DOCK8: variants seen among roughly 807,000 people sequenced by gnomAD.
DOCK8 encodes the protein dedicator of cytokinesis 8.
A neutral mutation model predicts 245.6 loss-of-function variants in DOCK8; 141 were observed. The observed-to-expected ratio is 0.57, with a 90% CI of 0.50 to 0.66. DOCK8 has a LOEUF of 0.66. Ranked by LOEUF, DOCK8 falls within the 30% of genes least tolerant of loss-of-function variation. DOCK8 has a pLI of 0.00. For synonymous variants in DOCK8, 1,168 were observed against 970.2 expected (o/e 1.20, Z -3.79); for missense variants, 2,965 against 2,603.4 (o/e 1.14, Z -3.02).
Position 464,302 on chromosome 9 carries a change from C to A in DOCK8, c.*83C>A, listed in dbSNP as rs2057905765. The A allele has an allele frequency of 8.8e-7, 1 of 1,142,250 alleles. No homozygotes were observed. The highest frequency in any genetic ancestry group is 1.3e-6 in the Non-Finnish European group (1 of 750,142). The allele number at this position is 1,142,250 out of a possible 1,614,324, so 70.8% of individuals were successfully genotyped here. On this transcript the variant is annotated 3_prime_UTR_variant, in exon 48 of 48. Transcript: ENST00000432829. ...TGGTACTTAAAAAATGGGACATTTG[C>A]CACCCAGGACTGACTGTACACTCCC... is the stretch of plus-strand genomic sequence containing the variant.
chr9:400,058 C>T (rs1276040222), intron 26 of DOCK8, among the ~76,000 whole-genome samples: 3 of 108,688 alleles, frequency 2.8e-5, no homozygotes, highest in South Asian at 6.3e-4. Context: ...ACCATCACCA[C>T]CTCCTTCACC....
At chr9:450,256 A>G (rs1198462071) in intron 45 of DOCK8, among the ~76,000 whole-genome samples, 1 of 152,232 alleles carries the variant, frequency 6.6e-6, no homozygotes, top group East Asian at 1.9e-4. Flanking sequence ...ATGCTTAGTC[A>G]TGACCAATTC....
At chr9:269,833 C>T (rs925147718) in intron 1 of DOCK8, among the ~76,000 whole-genome samples, 1 of 152,204 alleles carries the variant, frequency 6.6e-6, no homozygotes, top group African/African-American at 2.4e-5. Context: ...GCTGGGATTA[C>T]AGGTGTGAGC....
chr9:373,082 G>A lies in DOCK8; in HGVS notation c.2109+796G>A, dbSNP rs190257298. On this transcript the variant is annotated intron_variant, in intron 18 of 47. Coordinates refer to ENST00000432829, the MANE Select transcript of DOCK8 (RefSeq NM_203447.4). ...CTCGGGAGGCTGAGGCAGGAGAATC[G>A]CTTTAACCTGGGAAGTGGAGGTTGC... Among the ~76,000 whole-genome samples, 1,409 of 152,268 alleles carry A rather than the reference G, an allele frequency of 9.3e-3. 15 individuals are homozygous for A. The highest frequency in any genetic ancestry group is 0.037 in the South Asian group (181 of 4,828).
At chr9:452,723 C>T (rs2057507192) in intron 46 of DOCK8, 1 of 152,308 alleles carries the variant, frequency 6.6e-6, no homozygotes, top group Non-Finnish European at 1.5e-5. Flanking sequence ...TTGAGAGAGG[C>T]AAGTTCTAAA....
intron 2 of DOCK8, among the ~76,000 whole-genome samples, chr9:281,928 TG>T (rs1476186457): frequency 6.6e-6 from 1 of 152,148 alleles, no homozygotes; most frequent in African/African-American, 2.4e-5. Context: ...TCAGCTTGGG[TG>T]TAGTGCCAGA....
chr9:364,291 T>C (rs1411681954), intron 14 of DOCK8, among the ~76,000 whole-genome samples: 4 of 152,102 alleles, frequency 2.6e-5, no homozygotes, highest in African/African-American at 9.7e-5. Flanking sequence ...CTGAACAACG[T>C]TTAGTGGCAT....
chr9:304,396 C>CTTACGCTGTAGTTGTGTAAAGAGACTG (rs2049710084), intron 4 of DOCK8, among the ~76,000 whole-genome samples, 185 bp from the exon 5 acceptor site: 1 of 152,184 alleles, frequency 6.6e-6, no homozygotes, highest in South Asian at 2.1e-4. Context: ...ATTTGTATCT[C>CTTACGCTGTAGTTGTGTAAAGAGACTG]ATTACAACAG....
At chr9:400,122 C>T (rs975620259) in intron 26 of DOCK8, among the ~76,000 whole-genome samples, 4 of 96,244 alleles carry the variant, frequency 4.2e-5, no homozygotes, top group Admixed American at 1.0e-4. Context: ...CCACCACCAG[C>T]ATCTTCACCA....
intron 4 of DOCK8, among the ~76,000 whole-genome samples, chr9:300,324 ATC>A (rs2049478974): frequency 6.6e-6 from 1 of 152,126 alleles, no homozygotes; most frequent in Non-Finnish European, 1.5e-5. Context: ...TACTTTATCT[ATC>A]TGGCATTTGA....
At chr9:247,693 C>A (rs7020344) in intron 1 of DOCK8, among the ~76,000 whole-genome samples, 4 of 151,936 alleles carry the variant, frequency 2.6e-5, no homozygotes, top group African/African-American at 7.3e-5. Flanking sequence ...ACCACCACGC[C>A]CGGCTAATTT....
chr9:462,334 A>G (rs776847434), intron 46 of DOCK8, among the ~76,000 whole-genome samples: 2 of 152,178 alleles, frequency 1.3e-5, no homozygotes, highest in East Asian at 3.8e-4. Flanking sequence ...AACTTATACT[A>G]TGTGTGGTGC....
chr9:299,193 T>C (rs2049412150), intron 4 of DOCK8, among the ~76,000 whole-genome samples: 1 of 152,140 alleles, frequency 6.6e-6, no homozygotes, highest in African/African-American at 2.4e-5. Context: ...TTTGAGCCCT[T>C]AGGGAGAGTC....
intron 43 of DOCK8, 33 bp from the exon 44 acceptor site, chr9:446,337 T>C (rs1275366026): frequency 6.3e-7 from 1 of 1,581,784 alleles, no homozygotes; most frequent in Non-Finnish European, 8.7e-7. Flanking sequence ...GCAGAATAGC[T>C]CATCTTCTCC....
intron 4 of DOCK8, among the ~76,000 whole-genome samples, chr9:298,618 AGTGTGTGTGT>A (rs34998339): frequency 0.011 from 1,630 of 145,394 alleles, 25 homozygotes; most frequent in African/African-American, 0.033. Context: ...CACATCTGTA[AGTGTGTGTGT>A]GTGTGTGTGT....
intron 2 of DOCK8, among the ~76,000 whole-genome samples, chr9:285,289 C>T (rs2048771935): frequency 6.6e-6 from 1 of 152,168 alleles, no homozygotes; most frequent in Non-Finnish European, 1.5e-5. Context: ...TGTCTCTCCT[C>T]TCCAGCTTGA....
At chr9:406,117 G>C (rs1475508) in intron 27 of DOCK8, among the ~76,000 whole-genome samples, 5 of 152,084 alleles carry the variant, frequency 3.3e-5, no homozygotes, top group Admixed American at 2.6e-4. Context: ...ACTGAGGACC[G>C]GTAAATCTAA....
At chr9:400,874 ACCACC>A (rs2054984074) in intron 26 of DOCK8, among the ~76,000 whole-genome samples, 4 of 77,630 alleles carry the variant, frequency 5.2e-5, no homozygotes, top group South Asian at 4.0e-4. Flanking sequence ...CACCATCACC[ACCACC>A]TCCACCACCA....
At chr9:298,893 G>T (rs1298590163) in intron 4 of DOCK8, among the ~76,000 whole-genome samples, 1 of 146,208 alleles carries the variant, frequency 6.8e-6, no homozygotes, top group Non-Finnish European at 1.5e-5. Context: ...AAATGTACAA[G>T]TCCTTAAAAA....
Sources: allele counts gnomAD v4.1 joint callset (sites outside exome capture counted in the v4.1 genomes callset), GRCh38; gene constraint gnomAD v4.1.1; transcripts MANE v1.5; gene names NCBI Gene and HGNC (gene_info 2026-07-23, HGNC 2026-07-21).